Variants in DIAPH2 observed in about 807,000 individuals in gnomAD.
The protein encoded by DIAPH2 is diaphanous related formin 2.
Under a neutral mutation model 92.7 loss-of-function variants are expected in DIAPH2, and 35 were observed. That is an observed-to-expected ratio of 0.38 (90% CI 0.29 to 0.50). The LOEUF (loss-of-function observed/expected upper bound fraction) is 0.50. Ranked by LOEUF, DIAPH2 falls within the 20% of genes least tolerant of loss-of-function variation. The pLI, the probability that DIAPH2 is intolerant of heterozygous loss-of-function variation, is 0.94. For missense variants in DIAPH2, 701 were observed against 819.5 expected (o/e 0.86, Z 1.77); for synonymous variants, 301 against 280.4 (o/e 1.07, Z -0.73).
intron 23 of DIAPH2, among the ~76,000 whole-genome samples, chrX:97,336,747 C>G (rs2069065786): frequency 9.0e-6 from 1 of 111,392 alleles, no homozygotes; most frequent in Non-Finnish European, 1.9e-5. Context: ...GAAGAAATCA[C>G]TCTGCTGGGT....
intron 22 of DIAPH2, among the ~76,000 whole-genome samples, chrX:97,175,213 C>T (rs770294161): frequency 1.1e-4 from 12 of 111,232 alleles, no homozygotes; most frequent in African/African-American, 1.6e-4. Flanking sequence ...CCTTTTATAG[C>T]GTTATGGTCT....
intron 17 of DIAPH2, among the ~76,000 whole-genome samples, chrX:96,977,794 C>A (rs1235351471): frequency 9.0e-6 from 1 of 110,673 alleles, no homozygotes; most frequent in Non-Finnish European, 1.9e-5. Flanking sequence ...AGCAGTTCTC[C>A]TGCCTCACCC....
At chrX:97,493,799 T>A in intron 26 of DIAPH2, among the ~76,000 whole-genome samples, 1 of 109,089 alleles carries the variant, frequency 9.2e-6, no homozygotes, top group Middle Eastern at 4.7e-3. Flanking sequence ...GGCAGGAGAA[T>A]CTCTTGAGCC....
chrX:96,844,834 G>A (rs1425574156), intron 4 of DIAPH2, among the ~76,000 whole-genome samples: 1 of 111,742 alleles, frequency 8.9e-6, no homozygotes. Flanking sequence ...CCTATTCATC[G>A]AAAACACTGA....
At chrX:96,735,940 C>G in intron 2 of DIAPH2, 150 bp downstream of exon 2, 1 of 370,952 alleles carries the variant, frequency 2.7e-6, no homozygotes, top group East Asian at 4.2e-5. Flanking sequence ...AATTCAGTGA[C>G]TTCCTTTTCG....
intron 23 of DIAPH2, among the ~76,000 whole-genome samples, chrX:97,330,818 A>G (rs1008723910): frequency 9.1e-6 from 1 of 110,412 alleles, no homozygotes; most frequent in Non-Finnish European, 1.9e-5. Flanking sequence ...CAGCCTTTTG[A>G]TGTCTTTGTT....
rs189599893 is a variant in DIAPH2 at position 96,905,904 on chromosome X, C to T, written c.588-6424C>T. 2.2e-3 allele frequency among the ~76,000 whole-genome samples: 252 copies of T among 112,045 alleles called. 1 individual carries two copies. Among genetic ancestry groups the T allele is most frequent in the East Asian group, 2.5e-3 (9 of 3,541 alleles). On this transcript the variant is annotated intron_variant, in intron 5 of 26. Coordinates refer to ENST00000324765, the MANE Select transcript of DIAPH2 (RefSeq NM_006729.5). ...CAGCGCTTTGGGAGGCCGAAGCAGG[C>T]GGATCATGAGGTCAGGAGATCGAGA...
At chrX:97,483,114 G>A (rs1452855156) in intron 26 of DIAPH2, among the ~76,000 whole-genome samples, 1 of 110,461 alleles carries the variant, frequency 9.1e-6, no homozygotes, top group African/African-American at 3.3e-5. Flanking sequence ...TACCTTTTTT[G>A]CTCTTCTTTT....
chrX:97,108,738 G>A (rs1473416212), intron 20 of DIAPH2, among the ~76,000 whole-genome samples: 1 of 111,757 alleles, frequency 8.9e-6, no homozygotes, highest in African/African-American at 3.3e-5. Context: ...TTTTAATAAT[G>A]ACATTTCTAA....
chrX:97,418,942 A>G (rs573871244), intron 25 of DIAPH2, among the ~76,000 whole-genome samples: 2 of 111,828 alleles, frequency 1.8e-5, no homozygotes, highest in Middle Eastern at 4.6e-3. Flanking sequence ...GCTCTCTTCA[A>G]TTGCAAGTAG....
At chrX:97,476,540 GAAA>G (rs2070604814) in intron 26 of DIAPH2, among the ~76,000 whole-genome samples, 11 of 111,748 alleles carry the variant, frequency 9.8e-5, no homozygotes, top group Non-Finnish European at 1.5e-4. Flanking sequence ...CTGAAATTCT[GAAA>G]TGTAACCAAT....
At position 97,400,640 on chromosome X, in the gene DIAPH2, T is replaced by G. The variant is rs1279000218; in HGVS notation, c.3145+16596T>G. ...GTCTCCAGAACTTATTCATCCTGTC[T>G]AACTGGAACTTTGTACTCTTTAACC... On this transcript the variant is annotated intron_variant, in intron 25 of 26. Transcript: ENST00000324765. Among the ~76,000 whole-genome samples, 35 of 109,276 alleles carry G rather than the reference T, an allele frequency of 3.2e-4. No individual in the cohort carries two copies. In the Admixed American group the frequency reaches 3.5e-3, roughly 11 times the overall value. The allele number at this position is 109,276 out of a possible 115,157, so 94.9% of individuals were successfully genotyped here. A position where few individuals can be genotyped will look rare whatever the true frequency, so the allele number is the denominator to read the frequency against.
At chrX:97,515,159 G>A (rs1381365046) in intron 26 of DIAPH2, among the ~76,000 whole-genome samples, 5 of 112,406 alleles carry the variant, frequency 4.4e-5, no homozygotes, top group Admixed American at 9.3e-5. Context: ...AGCAATCAGC[G>A]AGATTCCGTG....
At chrX:97,151,034 C>T (rs908847070) in intron 22 of DIAPH2, among the ~76,000 whole-genome samples, 1 of 111,871 alleles carries the variant, frequency 8.9e-6, no homozygotes, top group African/African-American at 3.2e-5. Context: ...TCTTCAAAAA[C>T]ATATTCTTTA....
intron 26 of DIAPH2, among the ~76,000 whole-genome samples, chrX:97,540,589 A>G (rs2071132351): frequency 8.9e-6 from 1 of 112,462 alleles, no homozygotes; most frequent in African/African-American, 3.2e-5. Flanking sequence ...ATTGTTTTGC[A>G]TGTTTTAAAA....
rs1176225095 is a variant in DIAPH2 at position 97,402,212 on chromosome X, G to GTGTA, written c.3145+18171_3145+18172insATGT. On this transcript the variant is annotated intron_variant, in intron 25 of 26. Coordinates refer to ENST00000324765, the MANE Select transcript of DIAPH2 (RefSeq NM_006729.5). ...TAAGGAATGATCATTTGCATCGTGT[G>GTGTA]TGTGTGTGTGTGTGTGTGTGTGTGT... Among the ~76,000 whole-genome samples, 6 of 109,408 alleles carry GTGTA rather than the reference G, an allele frequency of 5.5e-5. No individual in the cohort carries two copies. The East Asian group carries it at 1.7e-3, about 31-fold the overall frequency.
intron 3 of DIAPH2, among the ~76,000 whole-genome samples, chrX:96,748,101 A>G (rs1173907868): frequency 8.9e-6 from 1 of 112,164 alleles, no homozygotes; most frequent in Non-Finnish European, 1.9e-5. Context: ...ATCTGGGTCA[A>G]TTTTTAATTT....
chrX:97,045,416 G>A (rs948968278), intron 17 of DIAPH2, among the ~76,000 whole-genome samples: 2 of 111,467 alleles, frequency 1.8e-5, no homozygotes, highest in African/African-American at 6.5e-5. Context: ...TATAGCTAGA[G>A]GTATCAATTT....
At chrX:97,155,858 G>A (rs1159909175) in intron 22 of DIAPH2, among the ~76,000 whole-genome samples, 2 of 111,967 alleles carry the variant, frequency 1.8e-5, no homozygotes, top group Non-Finnish European at 3.8e-5. Context: ...GTATATGGCT[G>A]TATTTTTATT....
Sources: gnomAD v4.1 joint callset for allele counts (sites outside exome capture counted in the v4.1 genomes callset) on GRCh38, gnomAD v4.1.1 for gene constraint, MANE v1.5 for transcripts, NCBI Gene and HGNC (gene_info 2026-07-23, HGNC 2026-07-21) for gene names.